The following DCC variants were observed in gnomAD, a reference collection of about 807,000 sequenced individuals.
The protein encoded by DCC is netrin receptor DCC.
A neutral mutation model predicts 172.5 loss-of-function variants in DCC; 58 were observed. The ratio of observed to expected loss-of-function variants is 0.34; its 90% CI spans 0.27 to 0.42. The LOEUF is 0.42. Among genes scored for constraint, DCC ranks in the 10% least tolerant of loss-of-function variants. DCC has a pLI of 1.00. For missense variants in DCC, 1,740 were observed against 1,791.0 expected (o/e 0.97, Z 0.51); for synonymous variants, 709 against 644.5 (o/e 1.10, Z -1.52).
intron 27 of DCC, among the ~76,000 whole-genome samples, chr18:53,524,439 G>T (rs1464965187): frequency 1.3e-5 from 2 of 151,922 alleles, no homozygotes; most frequent in Non-Finnish European, 2.9e-5. Context: ...TTAAATTAAT[G>T]ATTATAATCC....
intron 28 of DCC, among the ~76,000 whole-genome samples, chr18:53,529,562 C>G (rs2046502780): frequency 6.6e-6 from 1 of 152,156 alleles, no homozygotes; most frequent in Non-Finnish European, 1.5e-5. Flanking sequence ...TTGAATCCTC[C>G]TAACTCCTCA....
intron 1 of DCC, among the ~76,000 whole-genome samples, chr18:52,505,408 A>G (rs1331054920): frequency 6.6e-6 from 1 of 152,212 alleles, no homozygotes; most frequent in Non-Finnish European, 1.5e-5. Context: ...CAGAATAGTT[A>G]AGATTTCAAC....
At chr18:52,405,438 T>G (rs1265804102) in intron 1 of DCC, among the ~76,000 whole-genome samples, 1 of 142,832 alleles carries the variant, frequency 7.0e-6, no homozygotes, top group Non-Finnish European at 1.6e-5. Flanking sequence ...TTTTCATGTG[T>G]TTTTTGGCTG....
At chr18:52,499,579 G>A (rs2030941902) in intron 1 of DCC, among the ~76,000 whole-genome samples, 1 of 151,890 alleles carries the variant, frequency 6.6e-6, no homozygotes, top group Non-Finnish European at 1.5e-5. Context: ...ATTTCTATTT[G>A]GCAGCCATCA....
At position 53,307,897 on chromosome 18, in the gene DCC, GTATATATATATATATATATATATATATA is replaced by G. The variant is rs771876514; in HGVS notation, c.2053+2204_2053+2231del. 2.2e-3 allele frequency among the ~76,000 whole-genome samples: 148 copies of G among 67,426 alleles called. 2 individuals are homozygous for G. The highest frequency in any genetic ancestry group is 9.8e-3 in the Middle Eastern group (1 of 102). 44.2% of individuals were successfully genotyped at this position (67,426 alleles called of 152,430 possible). On this transcript the variant is annotated intron_variant, in intron 13 of 28. Coordinates refer to ENST00000442544, the MANE Select transcript of DCC (RefSeq NM_005215.4). ...CTTCTGGAAAGCAATGTGTGTGTAT[GTATATATATATATATATATATATATATA>G]TATATATATATATATATATATATAT...
At chr18:52,767,866 A>T (rs1431744) in intron 2 of DCC, among the ~76,000 whole-genome samples, 16,321 of 152,200 alleles carry the variant, frequency 0.11, 2,926 homozygotes, top group African/African-American at 0.37. Flanking sequence ...GCCTTCAGAA[A>T]ATGTGAATAA....
At chr18:52,893,441 C>T (rs115885796) in intron 2 of DCC, among the ~76,000 whole-genome samples, 4 of 152,056 alleles carry the variant, frequency 2.6e-5, no homozygotes, top group African/African-American at 9.7e-5. Flanking sequence ...GATAGAAGAT[C>T]ATTTAATCCT....
At position 53,524,230 on chromosome 18, in the gene DCC, T is replaced by C. The variant is rs575400774; in HGVS notation, c.4112-2387T>C. Among the ~76,000 whole-genome samples, 8 of 152,130 alleles carry C rather than the reference T, an allele frequency of 5.3e-5. No individual in the cohort carries two copies. In the East Asian group the frequency reaches 7.8e-4, roughly 15 times the overall value. ...AATGTATATACATGTATCAAAACAT[T>C]GTTTTACACCATAAATATATACTGT... On this transcript the variant is annotated intron_variant, in intron 27 of 28. Transcript: ENST00000442544.
rs527908236 is a variant in DCC at position 53,061,587 on chromosome 18, C to T, written c.986-1718C>T. 4.6e-5 allele frequency among the ~76,000 whole-genome samples: 7 copies of T among 152,164 alleles called. No homozygotes were observed. The South Asian group carries it at 1.0e-3, about 23-fold the overall frequency. ...TGATTTTATTTAATGACTCTAATTG[C>T]TTATCACAATTATCTCTCAGGCTCT... On this transcript the variant is annotated intron_variant, in intron 5 of 28. Transcript: ENST00000442544.
intron 1 of DCC, among the ~76,000 whole-genome samples, chr18:52,707,126 G>C (rs1676137225): frequency 6.6e-6 from 1 of 152,138 alleles, no homozygotes; most frequent in African/African-American, 2.4e-5. Context: ...ATTCAGGAAA[G>C]GAATGACAAA....
rs1026050471 is a variant in DCC, at chr18:52,906,171, G to A, written c.540G>A (p.Leu180=). 6 of 1,614,070 alleles carry A rather than the reference G, an allele frequency of 3.7e-6. No individual in the cohort carries two copies. The highest frequency in any genetic ancestry group is 1.3e-5 in the African/African-American group (1 of 75,038). Residue 180 remains leucine (L), a synonymous_variant, in exon 3 of 29, where the codon CTG becomes CTA. Coordinates refer to ENST00000442544, the MANE Select transcript of DCC (RefSeq NM_005215.4). ...TIHWQKNQQD[L]TPIPGDSRVV... The stretch of plus-strand genomic sequence containing the variant: ...ACTGGCAGAAGAACCAACAAGACCT[G>A]ACTCCAATCCCAGGTGACTCCCGAG...
At chr18:52,884,456 G>T (rs1211830372) in intron 2 of DCC, among the ~76,000 whole-genome samples, 1 of 150,740 alleles carries the variant, frequency 6.6e-6, no homozygotes, top group African/African-American at 2.4e-5. Context: ...TCTTTCTTCT[G>T]CTCAATCAGT....
In DCC at chr18:52,904,023, T is replaced by G. The variant is rs926605321; in HGVS notation, c.413-2021T>G. On this transcript the variant is annotated intron_variant, in intron 2 of 28. Coordinates refer to ENST00000442544, the MANE Select transcript of DCC (RefSeq NM_005215.4). ...AGCACAGACACAGATTAGTTCTAAC[T>G]GAAAAAGAATAAAATTAGCCAAGTG... Among the ~76,000 whole-genome samples the G allele has an allele frequency of 2.0e-5, 3 of 152,206 alleles. No homozygotes were observed. The East Asian group carries it at 5.8e-4, about 29-fold the overall frequency.
At chr18:52,802,641 G>A (rs1295145449) in intron 2 of DCC, among the ~76,000 whole-genome samples, 2 of 67,452 alleles carry the variant, frequency 3.0e-5, no homozygotes, top group African/African-American at 5.1e-5. Flanking sequence ...ACCACGCCAA[G>A]CCTTTTTTTT....
intron 2 of DCC, among the ~76,000 whole-genome samples, chr18:52,858,275 A>T (rs1383735431): frequency 6.6e-6 from 1 of 152,188 alleles, no homozygotes; most frequent in Non-Finnish European, 1.5e-5. Flanking sequence ...TGGTATTAGA[A>T]ATCAGGACTG....
chr18:52,463,940 T>C (rs1988706284), intron 1 of DCC, among the ~76,000 whole-genome samples: 1 of 152,218 alleles, frequency 6.6e-6, no homozygotes, highest in East Asian at 1.9e-4. Flanking sequence ...CTGACAATCC[T>C]TCAGTATTGT....
intron 5 of DCC, among the ~76,000 whole-genome samples, chr18:53,052,255 T>C (rs1309373521): frequency 6.6e-6 from 1 of 152,128 alleles, no homozygotes; most frequent in Non-Finnish European, 1.5e-5. Context: ...CCTCTAGCTC[T>C]ATTGAATTTA....
chr18:52,854,421 A>G (rs2116382), intron 2 of DCC, among the ~76,000 whole-genome samples: 82,298 of 152,036 alleles, frequency 0.54, 22,712 homozygotes, highest in African/African-American at 0.64. Context: ...AGGTTTATGA[A>G]AAATTCTAAA....
At chr18:52,856,316 T>C (rs1244424140) in intron 2 of DCC, among the ~76,000 whole-genome samples, 4 of 151,962 alleles carry the variant, frequency 2.6e-5, no homozygotes, top group Admixed American at 2.0e-4. Context: ...ATGATAGAAT[T>C]ACTCTTCATA....
Sources: gnomAD v4.1 joint callset for allele counts (sites outside exome capture counted in the v4.1 genomes callset) on GRCh38, gnomAD v4.1.1 for gene constraint, MANE v1.5 for transcripts, NCBI Gene and HGNC (gene_info 2026-07-23, HGNC 2026-07-21) for gene names.